NAPEPLD: variants seen among roughly 807,000 people sequenced by gnomAD.
NAPEPLD encodes N-acyl phosphatidylethanolamine phospholipase D, also known as N-acyl-phosphatidylethanolamine-hydrolyzing phospholipase D.
A neutral mutation model predicts 38.1 loss-of-function variants in NAPEPLD; 23 were observed. The observed-to-expected ratio is 0.60, with a 90% CI of 0.43 to 0.86. The LOEUF (loss-of-function observed/expected upper bound fraction) is 0.86, where lower values mean the gene tolerates loss of function less well. NAPEPLD is among the 40% of genes least tolerant of loss of function. The pLI is 0.00. For missense variants in NAPEPLD, 411 were observed against 476.8 expected, an observed-to-expected ratio of 0.86 and a Z score of 1.28; for synonymous variants, 147 against 162.0, an observed-to-expected ratio of 0.91 and a Z score of 0.71.
At position 103,101,307 on chromosome 7, in the gene NAPEPLD, A is replaced by G. The variant is rs561134663; in HGVS notation, c.*2122T>C. The G allele has an allele frequency of 1.3e-5, 2 of 152,290 alleles. No homozygotes were observed. The highest frequency in any genetic ancestry group is 2.1e-4 in the South Asian group (1 of 4,830). The allele number at this position is 152,290 out of a possible 1,614,324, so 9.4% of individuals were successfully genotyped here. The stretch of plus-strand genomic sequence containing the variant: ...TTGTGCTTTAGTACCCCAAAATCAC[A>G]TATGTTCGCATACATCATATACACA... On this transcript the variant is annotated 3_prime_UTR_variant, in exon 5 of 5. Coordinates refer to ENST00000465647, the MANE Select transcript of NAPEPLD (RefSeq NM_001122838.3).
chr7:103,105,711 T>A (rs1803169248), intron 4 of NAPEPLD, among the ~76,000 whole-genome samples: 1 of 152,034 alleles, frequency 6.6e-6, no homozygotes, highest in Non-Finnish European at 1.5e-5. Flanking sequence ...AGCGGACGGA[T>A]CACCTGAGGT....
At chr7:103,120,364 T>C in intron 2 of NAPEPLD, 141 bp from the exon 3 acceptor site, 1 of 897,170 alleles carries the variant, frequency 1.1e-6, no homozygotes, top group South Asian at 2.1e-5. Context: ...TGCTACACTT[T>C]TGCTTTTTTC....
intron 4 of NAPEPLD, among the ~76,000 whole-genome samples, chr7:103,109,390 C>T (rs1170071136): frequency 6.6e-6 from 1 of 152,218 alleles, no homozygotes; most frequent in Non-Finnish European, 1.5e-5. Flanking sequence ...AACAGTCTCT[C>T]AGACCACATG....
At position 103,131,271 on chromosome 7, in the gene NAPEPLD, G is replaced by A. The variant is rs562686348; in HGVS notation, c.-16-2479C>T. Among the ~76,000 whole-genome samples the A allele has an allele frequency of 4.6e-5, 7 of 152,028 alleles. No homozygotes were observed. In the South Asian group the frequency reaches 1.5e-3, roughly 32 times the overall value. On this transcript the variant is annotated intron_variant, in intron 1 of 4. Transcript: ENST00000465647. ...AAACAATGAAGGGATAAGGGAGAAAGGAAAAAAGGACACTTTGATTCAAAG... is the reference window on the plus strand; with the variant it reads ...AAACAATGAAGGGATAAGGGAGAAAAGAAAAAAGGACACTTTGATTCAAAG...
At chr7:103,149,278 C>G, upstream of NAPEPLD, 1 of 1,046,856 alleles carries the variant, frequency 9.6e-7, no homozygotes, top group South Asian at 2.7e-5. Flanking sequence ...TGCGGACTCA[C>G]CTCGCGCTTG....
intron 1 of NAPEPLD, 54 bp downstream of exon 1, chr7:103,148,757 G>T (rs564464676): frequency 2.1e-6 from 2 of 949,634 alleles, no homozygotes; most frequent in Non-Finnish European, 2.5e-6. Context: ...TAAGTTGCTC[G>T]GAGGAAGTTG....
chr7:103,103,288 A>T lies in NAPEPLD; in HGVS notation c.*141T>A. 1.9e-6 allele frequency: 2 copies of T among 1,050,490 alleles called. No individual in the cohort carries two copies. The highest frequency in any genetic ancestry group is 2.7e-6 in the Non-Finnish European group (2 of 737,272). The allele number at this position is 1,050,490 out of a possible 1,614,324, so 65.1% of individuals were successfully genotyped here. On this transcript the variant is annotated 3_prime_UTR_variant, in exon 5 of 5. Coordinates refer to ENST00000465647, the MANE Select transcript of NAPEPLD (RefSeq NM_001122838.3). ...TGATCATACTAGGAAGCAAGTTATTACACAAAACATAAAACATAAACTTGC... is the reference window on the plus strand; with the variant it reads ...TGATCATACTAGGAAGCAAGTTATTTCACAAAACATAAAACATAAACTTGC...
At chr7:103,133,049 A>C (rs1225661170) in intron 1 of NAPEPLD, among the ~76,000 whole-genome samples, 1 of 152,104 alleles carries the variant, frequency 6.6e-6, no homozygotes, top group African/African-American at 2.4e-5. Flanking sequence ...AAAACAAAAA[A>C]CAAAAAAATC....
intron 1 of NAPEPLD, among the ~76,000 whole-genome samples, chr7:103,134,610 C>A (rs1021722988): frequency 1.3e-5 from 2 of 151,944 alleles, no homozygotes; most frequent in African/African-American, 4.8e-5. Flanking sequence ...AGATTCCAGC[C>A]TGAGCGACAG....
At chr7:103,116,147 C>T (rs1328867708) in intron 3 of NAPEPLD, among the ~76,000 whole-genome samples, 9 of 152,074 alleles carry the variant, frequency 5.9e-5, no homozygotes, top group South Asian at 2.1e-4. Context: ...CTGCAACCTC[C>T]GCCTCCTGGG....
chr7:103,100,004 A>G lies in NAPEPLD; in HGVS notation c.*3425T>C, dbSNP rs1258728643. The G allele has an allele frequency of 6.6e-6, 1 of 152,224 alleles. No individual in the cohort carries two copies. The highest frequency in any genetic ancestry group is 1.5e-5 in the Non-Finnish European group (1 of 68,038). The allele number at this position is 152,224 out of a possible 1,614,324, so 9.4% of individuals were successfully genotyped here. A position where few individuals can be genotyped will look rare whatever the true frequency, so the allele number is the denominator to read the frequency against. On this transcript the variant is annotated 3_prime_UTR_variant, in exon 5 of 5. Coordinates refer to ENST00000465647, the MANE Select transcript of NAPEPLD (RefSeq NM_001122838.3). ...CAGTATTTAAGGCAAAGCTTTAAGA[A>G]TACTTTAAATTTCATTTGTAAATAC...
At chr7:103,125,843 C>T (rs1056381803) in intron 2 of NAPEPLD, among the ~76,000 whole-genome samples, 4 of 151,408 alleles carry the variant, frequency 2.6e-5, no homozygotes, top group Admixed American at 6.6e-5. Context: ...GCCAAGATGG[C>T]GCCAGTGCAC....
At chr7:103,133,277 T>C (rs1240393545) in intron 1 of NAPEPLD, among the ~76,000 whole-genome samples, 1 of 152,154 alleles carries the variant, frequency 6.6e-6, no homozygotes, top group Non-Finnish European at 1.5e-5. Context: ...GGGAAATGTA[T>C]AGTCACAGGA....
At chr7:103,126,841 T>A (rs1340471038) in intron 2 of NAPEPLD, 1 of 146,058 alleles carries the variant, frequency 6.8e-6, no homozygotes, top group Admixed American at 7.0e-5. Context: ...TTGCCCCGGC[T>A]GGTCTCGAAC....
In NAPEPLD at chr7:103,148,823, C is replaced by T; in HGVS notation, c.-29G>A. ...AAGATAAACCCACATGTATTCCTAT[C>T]AGTGAAGATGCAACCTGGTAATTTG... On this transcript the variant is annotated 5_prime_UTR_variant, in exon 1 of 5. Coordinates refer to ENST00000465647, the MANE Select transcript of NAPEPLD (RefSeq NM_001122838.3). 2.0e-6 allele frequency: 2 copies of T among 985,378 alleles called. No homozygotes were observed. Among genetic ancestry groups the T allele is most frequent in the Non-Finnish European group, 2.4e-6 (2 of 829,912 alleles). The allele number at this position is 985,378 out of a possible 1,614,324, so 61.0% of individuals were successfully genotyped here.
At chr7:103,134,915 A>C (rs541753525) in intron 1 of NAPEPLD, among the ~76,000 whole-genome samples, 3 of 152,390 alleles carry the variant, frequency 2.0e-5, no homozygotes, top group East Asian at 3.9e-4. Flanking sequence ...TCAAAAAATA[A>C]GAATTCTCTA....
intron 2 of NAPEPLD, among the ~76,000 whole-genome samples, chr7:103,122,346 G>A (rs1216728340): frequency 6.6e-6 from 1 of 151,980 alleles, no homozygotes; most frequent in Non-Finnish European, 1.5e-5. Context: ...CAATTCTAGA[G>A]TCCAAATGAT....
chr7:103,127,523 C>A (rs1234884009), intron 2 of NAPEPLD: 1 of 151,928 alleles, frequency 6.6e-6, no homozygotes, highest in Admixed American at 6.6e-5. Context: ...ACAAGGGTGA[C>A]CATAGAAGAC....
At chr7:103,131,781 C>T (rs1360945273) in intron 1 of NAPEPLD, among the ~76,000 whole-genome samples, 2 of 152,064 alleles carry the variant, frequency 1.3e-5, no homozygotes, top group African/African-American at 2.4e-5. Flanking sequence ...GGTTAGGCTA[C>T]ACTGCAAGCA....
Sources: allele counts gnomAD v4.1 joint callset (sites outside exome capture counted in the v4.1 genomes callset), GRCh38; gene constraint gnomAD v4.1.1; transcripts MANE v1.5; gene names NCBI Gene and HGNC (gene_info 2026-07-23, HGNC 2026-07-21).